Variants in ZEB1 observed in about 807,000 individuals in gnomAD.
ZEB1 encodes zinc finger E-box-binding homeobox 1.
In ZEB1, 21 loss-of-function variants were observed where a neutral mutation model predicts 84.9. That is an observed-to-expected ratio of 0.25 (90% CI 0.18 to 0.36). ZEB1 has a LOEUF of 0.36. Ranked by LOEUF, ZEB1 falls within the 10% of genes least tolerant of loss-of-function variation. ZEB1 has a pLI of 1.00. For missense variants in ZEB1, 1,104 were observed against 1,330.2 expected (o/e 0.83, Z 2.65); for synonymous variants, 420 against 471.1 (o/e 0.89, Z 1.41).
intron 1 of ZEB1, among the ~76,000 whole-genome samples, chr10:31,343,571 G>T (rs1421943331): frequency 6.6e-6 from 1 of 151,868 alleles, no homozygotes; most frequent in Non-Finnish European, 1.5e-5. Flanking sequence ...TTGTTTTTGT[G>T]TGTGTATGTC....
intron 1 of ZEB1, chr10:31,362,917 C>T (rs559889043): frequency 6.0e-6 from 9 of 1,494,318 alleles, no homozygotes; most frequent in Middle Eastern, 4.7e-4. Flanking sequence ...ACGCATGTTG[C>T]CATGCTGGAG....
In ZEB1 at chr10:31,405,709, CTTTT is replaced by C. The variant is rs952103661; in HGVS notation, c.59-55320_59-55317del. On this transcript the variant is annotated intron_variant, in intron 1 of 8. Coordinates refer to ENST00000424869, the MANE Select transcript of ZEB1 (RefSeq NM_001174096.2). ...AACGTGTTTCTATTACACCTAGGCT[CTTTT>C]TTTTTTTAAAATTTAAGTTCTGGGA... Among the ~76,000 whole-genome samples the C allele has an allele frequency of 2.8e-3, 406 of 145,502 alleles. 2 individuals are homozygous for C. Among genetic ancestry groups the C allele is most frequent in the African/African-American group, 8.7e-3 (350 of 40,248 alleles).
At chr10:31,336,328 G>T (rs2038046480) in intron 1 of ZEB1, among the ~76,000 whole-genome samples, 1 of 152,120 alleles carries the variant, frequency 6.6e-6, no homozygotes, top group East Asian at 1.9e-4. Context: ...AATTGGGGTT[G>T]TTGGTTAATT....
At chr10:31,496,492 A>G (rs1170411827) in intron 3 of ZEB1, among the ~76,000 whole-genome samples, 1 of 152,122 alleles carries the variant, frequency 6.6e-6, no homozygotes, top group Admixed American at 6.6e-5. Context: ...GCAAAAGAGT[A>G]GGTGGAAAAA....
chr10:31,375,046 T>TACACACACACACACACACACACACAC (rs146271736), intron 1 of ZEB1: 1 of 132,314 alleles, frequency 7.6e-6, no homozygotes, highest in African/African-American at 2.7e-5. Context: ...ATGTTTTTCA[T>TACACACACACACACACACACACACAC]ACACACACAC....
chr10:31,524,422 T>G (rs1461360754), intron 8 of ZEB1, among the ~76,000 whole-genome samples: 104 of 152,246 alleles, frequency 6.8e-4, no homozygotes, highest in African/African-American at 2.4e-3. Context: ...TTGCCCAGGC[T>G]GGTCTTGAAC....
At chr10:31,378,821 A>T (rs2047138884) in intron 1 of ZEB1, among the ~76,000 whole-genome samples, 1 of 152,064 alleles carries the variant, frequency 6.6e-6, no homozygotes, top group Non-Finnish European at 1.5e-5. Context: ...ATAAGAGGGG[A>T]TACATGATAA....
chr10:31,416,300 C>G (rs990963846), intron 1 of ZEB1, among the ~76,000 whole-genome samples: 1 of 121,780 alleles, frequency 8.2e-6, no homozygotes, highest in African/African-American at 7.2e-5. Context: ...GACTTCTAAG[C>G]TATTGATATA....
At chr10:31,464,749 C>A (rs573431558) in intron 2 of ZEB1, among the ~76,000 whole-genome samples, 1 of 152,270 alleles carries the variant, frequency 6.6e-6, no homozygotes, top group African/African-American at 2.4e-5. Context: ...AAAAGAAAAA[C>A]ACTGCTGACC....
chr10:31,323,499 T>C (rs372026556), intron 1 of ZEB1, among the ~76,000 whole-genome samples: 3 of 152,212 alleles, frequency 2.0e-5, no homozygotes, highest in African/African-American at 7.2e-5. Context: ...TTCCTTCCCC[T>C]TCAGGTCTTT....
intron 3 of ZEB1, among the ~76,000 whole-genome samples, chr10:31,499,120 T>G (rs2067727061): frequency 6.6e-6 from 1 of 152,190 alleles, no homozygotes. Flanking sequence ...AACAAAAATT[T>G]AAAGCCATCT....
intron 1 of ZEB1, among the ~76,000 whole-genome samples, chr10:31,399,087 G>T (rs142781): frequency 0.25 from 37,260 of 150,764 alleles, 10,173 homozygotes; most frequent in African/African-American, 0.68. Flanking sequence ...CTCCTCCTCC[G>T]GGGTTCAAGC....
At chr10:31,369,991 C>T (rs2045412210) in intron 1 of ZEB1, among the ~76,000 whole-genome samples, 2 of 152,060 alleles carry the variant, frequency 1.3e-5, no homozygotes, top group Non-Finnish European at 2.9e-5. Context: ...ACTAGTTGGC[C>T]ATTTGTGTGT....
chr10:31,374,476 G>T (rs1255103416), intron 1 of ZEB1, among the ~76,000 whole-genome samples: 4 of 151,822 alleles, frequency 2.6e-5, no homozygotes, highest in Non-Finnish European at 4.4e-5. Context: ...TTAGGTAGGT[G>T]CTGAGAATAA....
intron 1 of ZEB1, among the ~76,000 whole-genome samples, chr10:31,452,825 T>C (rs1414855805): frequency 4.8e-5 from 7 of 147,196 alleles, no homozygotes; most frequent in African/African-American, 1.8e-4. Context: ...TGGAAACACT[T>C]GGTCAGTGTT....
At chr10:31,493,940 T>A (rs2066887152) in intron 2 of ZEB1, among the ~76,000 whole-genome samples, 1 of 152,002 alleles carries the variant, frequency 6.6e-6, no homozygotes. Flanking sequence ...AATAAATTAA[T>A]CAAATTGCAG....
intron 1 of ZEB1, among the ~76,000 whole-genome samples, chr10:31,433,810 A>G (rs753673089): frequency 2.0e-5 from 3 of 152,246 alleles, no homozygotes; most frequent in Non-Finnish European, 4.4e-5. Context: ...TGCCTTGGTA[A>G]GTGCTAAGAT....
intron 1 of ZEB1, among the ~76,000 whole-genome samples, chr10:31,403,021 T>C (rs181562972): frequency 1.7e-3 from 260 of 152,244 alleles, no homozygotes; most frequent in African/African-American, 6.0e-3. Context: ...TATAATAATG[T>C]TATAGAAGTA....
intron 1 of ZEB1, among the ~76,000 whole-genome samples, chr10:31,332,065 A>G (rs967195280): frequency 5.9e-5 from 9 of 152,192 alleles, no homozygotes; most frequent in African/African-American, 1.7e-4. Context: ...CTAAAAGTGA[A>G]AAAAGTTGTA....
Sources: allele counts gnomAD v4.1 joint callset (sites outside exome capture counted in the v4.1 genomes callset), GRCh38; gene constraint gnomAD v4.1.1; transcripts MANE v1.5; gene names NCBI Gene and HGNC (gene_info 2026-07-23, HGNC 2026-07-21).